Variants in MALRD1 observed in about 807,000 individuals in gnomAD.
MALRD1 encodes MAM and LDL receptor class A domain containing 1, also known as MAM and LDL-receptor class A domain-containing protein 1.
A neutral mutation model predicts 242.1 loss-of-function variants in MALRD1; 247 were observed. The observed-to-expected ratio is 1.02, with a 90% CI of 0.92 to 1.13. MALRD1 has a LOEUF of 1.13. Ranked by LOEUF, MALRD1 falls within the 50% of genes most tolerant of loss-of-function variation. MALRD1 has a pLI of 0.00. For synonymous variants in MALRD1, 995 were observed against 866.6 expected, an observed-to-expected ratio of 1.15 and a Z score of -2.60; for missense variants, 2,989 against 2,533.1, an observed-to-expected ratio of 1.18 and a Z score of -3.86.
chr10:19,247,502 G>A (rs980662264), intron 18 of MALRD1, among the ~76,000 whole-genome samples: 12 of 151,750 alleles, frequency 7.9e-5, no homozygotes, highest in South Asian at 6.2e-4. Flanking sequence ...AAGGAGAAAC[G>A]TATGTTAAAT....
chr10:19,367,437 A>G (rs1431916747), intron 26 of MALRD1, among the ~76,000 whole-genome samples: 1 of 152,088 alleles, frequency 6.6e-6, no homozygotes, highest in Non-Finnish European at 1.5e-5. Context: ...GCTGCTCACG[A>G]TGGGATTTCT....
rs1002210891 is a variant in MALRD1 at position 19,130,471 on chromosome 10, C to T, written c.1110+2084C>T. ...AAATGGTTAAATTATATATGTGGAC[C>T]TATGGTAATGCTTTTCAGATGACAG... On this transcript the variant is annotated intron_variant, in intron 8 of 39. Transcript: ENST00000454679. 5.1e-4 allele frequency among the ~76,000 whole-genome samples: 77 copies of T among 151,904 alleles called. 2 individuals are homozygous for T.
chr10:19,670,538 A>C (rs903315965), intron 36 of MALRD1, among the ~76,000 whole-genome samples: 35 of 152,272 alleles, frequency 2.3e-4, no homozygotes, highest in Admixed American at 2.3e-3. Context: ...GAAAAACACA[A>C]AACAACCCTC....
intron 26 of MALRD1, among the ~76,000 whole-genome samples, chr10:19,353,167 T>G (rs1844471997): frequency 1.3e-5 from 2 of 151,900 alleles, no homozygotes; most frequent in Non-Finnish European, 2.9e-5. Flanking sequence ...CCACCACACC[T>G]GGCAAGTTTT....
At chr10:19,250,528 A>G (rs749902448) in intron 18 of MALRD1, among the ~76,000 whole-genome samples, 2 of 151,956 alleles carry the variant, frequency 1.3e-5, no homozygotes, top group African/African-American at 2.4e-5. Context: ...GATGATCAAC[A>G]CTGATTCTTT....
intron 36 of MALRD1, among the ~76,000 whole-genome samples, chr10:19,620,476 T>G (rs1388313247): frequency 6.6e-6 from 1 of 152,060 alleles, no homozygotes; most frequent in African/African-American, 2.4e-5. Flanking sequence ...TGTAATTACA[T>G]TTTCGATGTC....
At chr10:19,723,428 A>T (rs77657506) in intron 38 of MALRD1, among the ~76,000 whole-genome samples, 4,295 of 152,190 alleles carry the variant, frequency 0.028, 202 homozygotes, top group African/African-American at 0.091. Context: ...ACTTAAAAAA[A>T]TCTGTGCTAA....
intron 20 of MALRD1, among the ~76,000 whole-genome samples, chr10:19,280,622 C>T (rs1840756188): frequency 6.6e-6 from 1 of 152,144 alleles, no homozygotes; most frequent in Admixed American, 6.5e-5. Context: ...TGCCAAAATG[C>T]ACATACAACA....
intron 12 of MALRD1, 49 bp downstream of exon 12, chr10:19,155,221 G>T: frequency 9.3e-7 from 1 of 1,073,684 alleles, no homozygotes; most frequent in Non-Finnish European, 1.2e-6. Flanking sequence ...GTTGTAAATC[G>T]CTGAGCTTGG....
chr10:19,709,200 G>T (rs987098945), intron 38 of MALRD1, among the ~76,000 whole-genome samples: 15 of 140,190 alleles, frequency 1.1e-4, no homozygotes, highest in Admixed American at 3.0e-4. Context: ...TAGGCCAGAA[G>T]TTCAAGACCA....
At chr10:19,478,940 C>T (rs142820630) in intron 29 of MALRD1, among the ~76,000 whole-genome samples, 8 of 152,196 alleles carry the variant, frequency 5.3e-5, no homozygotes, top group African/African-American at 1.9e-4. Context: ...TCATTTTACC[C>T]AAAGTATTTT....
At chr10:19,288,196 T>C (rs906764060) in intron 21 of MALRD1, among the ~76,000 whole-genome samples, 1 of 151,996 alleles carries the variant, frequency 6.6e-6, no homozygotes, top group Admixed American at 6.6e-5. Context: ...GGTAGGTGTA[T>C]ATATTTATGG....
intron 31 of MALRD1, among the ~76,000 whole-genome samples, chr10:19,518,611 C>T (rs1833741779): frequency 6.6e-6 from 1 of 152,008 alleles, no homozygotes; most frequent in Non-Finnish European, 1.5e-5. Flanking sequence ...TCTCTATTTC[C>T]AAATTTTGTA....
At chr10:19,625,522 A>G (rs1191749754) in intron 36 of MALRD1, among the ~76,000 whole-genome samples, 1 of 152,092 alleles carries the variant, frequency 6.6e-6, no homozygotes, top group Non-Finnish European at 1.5e-5. Flanking sequence ...CAGTGTACGA[A>G]AAAGGAAAGA....
chr10:19,607,772 TGC>T lies in MALRD1; in HGVS notation c.5945-4_5945-3del. ...TCCCTGATCATTATTCTTTTTTTTT[TGC>T]AGCCAACAAAAGCTGTTCTAATGGA... On this transcript the variant is annotated splice_region_variant and splice_polypyrimidine_tract_variant and intron_variant, in intron 34 of 39. Transcript: ENST00000454679. 1 of 1,545,042 alleles carries T rather than the reference TGC, an allele frequency of 6.5e-7. No individual in the cohort carries two copies. Among genetic ancestry groups the T allele is most frequent in the Admixed American group, 2.0e-5 (1 of 50,268 alleles).
intron 19 of MALRD1, among the ~76,000 whole-genome samples, chr10:19,273,260 G>A (rs1840346187): frequency 6.6e-6 from 1 of 152,128 alleles, no homozygotes; most frequent in African/African-American, 2.4e-5. Flanking sequence ...GCAAGGATGT[G>A]GAGCAACAGG....
chr10:19,335,047 G>A (rs184190278), intron 24 of MALRD1, among the ~76,000 whole-genome samples: 67 of 152,088 alleles, frequency 4.4e-4, no homozygotes, highest in Admixed American at 2.1e-3. Context: ...CAAGGGAATC[G>A]GAAACATATT....
intron 28 of MALRD1, among the ~76,000 whole-genome samples, chr10:19,412,504 A>G (rs1469752943): frequency 3.3e-5 from 5 of 152,206 alleles, no homozygotes; most frequent in Non-Finnish European, 7.3e-5. Context: ...CCAAATTTGT[A>G]CAAGTGATTC....
At chr10:19,352,923 A>G (rs977627197) in intron 26 of MALRD1, among the ~76,000 whole-genome samples, 1 of 152,214 alleles carries the variant, frequency 6.6e-6, no homozygotes, top group Non-Finnish European at 1.5e-5. Context: ...AAGGTCTGAG[A>G]TGAAAATAAA....
Sources: gnomAD v4.1 joint callset for allele counts (sites outside exome capture counted in the v4.1 genomes callset) on GRCh38, gnomAD v4.1.1 for gene constraint, MANE v1.5 for transcripts, NCBI Gene and HGNC (gene_info 2026-07-23, HGNC 2026-07-21) for gene names.